The following EPHB1 variants were observed in gnomAD, a reference collection of about 807,000 sequenced individuals.
EPHB1 encodes EPH receptor B1.
In EPHB1, 30 loss-of-function variants were observed where a neutral mutation model predicts 94.4. The ratio of observed to expected loss-of-function variants is 0.32; its 90% CI spans 0.24 to 0.43. The LOEUF (loss-of-function observed/expected upper bound fraction) is 0.43, where lower values mean the gene tolerates loss of function less well. EPHB1 is among the 20% of genes least tolerant of loss of function. The pLI, the probability that EPHB1 is intolerant of heterozygous loss-of-function variation, is 1.00. For missense variants in EPHB1, 1,055 were observed against 1,308.3 expected, an observed-to-expected ratio of 0.81 and a Z score of 2.99; for synonymous variants, 522 against 489.1, an observed-to-expected ratio of 1.07 and a Z score of -0.89.
chr3:134,810,139 A>T (rs1230518280), intron 1 of EPHB1, among the ~76,000 whole-genome samples: 1 of 152,256 alleles, frequency 6.6e-6, no homozygotes, highest in Admixed American at 6.5e-5. Flanking sequence ...CCTAGGAGAT[A>T]AATCTTCTCA....
intron 3 of EPHB1, among the ~76,000 whole-genome samples, chr3:134,975,577 A>G (rs966274724): frequency 2.0e-5 from 3 of 152,056 alleles, no homozygotes; most frequent in African/African-American, 4.8e-5. Context: ...CCCAGCACCA[A>G]TGTACTGCCT....
chr3:134,825,809 T>G (rs2036466180), intron 1 of EPHB1, among the ~76,000 whole-genome samples: 1 of 152,216 alleles, frequency 6.6e-6, no homozygotes, highest in Admixed American at 6.5e-5. Flanking sequence ...GATCCTTTTC[T>G]TCCTGAAAGA....
At chr3:134,976,604 C>T (rs574719) in intron 3 of EPHB1, among the ~76,000 whole-genome samples, 95,881 of 152,050 alleles carry the variant, frequency 0.63, 32,042 homozygotes, top group African/African-American at 0.83. Context: ...TTTCTCCAGA[C>T]GTCACCCCAT....
chr3:135,130,463 T>C (rs1039512296), intron 4 of EPHB1, among the ~76,000 whole-genome samples: 1 of 152,196 alleles, frequency 6.6e-6, no homozygotes, highest in African/African-American at 2.4e-5. Flanking sequence ...ACAGTAAGTG[T>C]AGGCTCTTGT....
intron 5 of EPHB1, among the ~76,000 whole-genome samples, chr3:135,134,790 A>G (rs1322954055): frequency 6.6e-6 from 1 of 152,192 alleles, no homozygotes; most frequent in Non-Finnish European, 1.5e-5. Flanking sequence ...GGGAATGACA[A>G]TCCTGCCAGG....
chr3:135,003,871 T>A (rs1935285872), intron 3 of EPHB1, among the ~76,000 whole-genome samples: 1 of 152,138 alleles, frequency 6.6e-6, no homozygotes, highest in South Asian at 2.1e-4. Flanking sequence ...GTGAGATGGG[T>A]TTCCTGATAC....
intron 3 of EPHB1, among the ~76,000 whole-genome samples, chr3:135,021,561 T>C (rs752646037): frequency 2.6e-5 from 4 of 151,294 alleles, no homozygotes; most frequent in Non-Finnish European, 5.9e-5. Context: ...AGATATTTTC[T>C]GGTTGTTTCC....
chr3:134,862,506 A>T (rs1380607916), intron 1 of EPHB1, among the ~76,000 whole-genome samples: 1 of 152,052 alleles, frequency 6.6e-6, no homozygotes, highest in African/African-American at 2.4e-5. Flanking sequence ...GCTCAAAAAA[A>T]AAAAAAAGAA....
chr3:134,973,162 C>G (rs1249973140), intron 3 of EPHB1, among the ~76,000 whole-genome samples: 1 of 152,214 alleles, frequency 6.6e-6, no homozygotes, highest in Non-Finnish European at 1.5e-5. Flanking sequence ...CTGTGGCACA[C>G]CCTGTAGTCT....
intron 3 of EPHB1, among the ~76,000 whole-genome samples, chr3:135,071,321 G>C (rs1188759067): frequency 1.3e-5 from 2 of 152,192 alleles, no homozygotes; most frequent in Non-Finnish European, 2.9e-5. Flanking sequence ...TTTAGGCTGA[G>C]AGCAGTAAGA....
intron 3 of EPHB1, among the ~76,000 whole-genome samples, chr3:135,019,858 A>C (rs922044069): frequency 6.6e-6 from 1 of 152,260 alleles, no homozygotes; most frequent in East Asian, 1.9e-4. Context: ...GAACAACTTC[A>C]TTCATAAATC....
At chr3:135,189,986 G>A (rs1942416138) in intron 10 of EPHB1, among the ~76,000 whole-genome samples, 1 of 152,198 alleles carries the variant, frequency 6.6e-6, no homozygotes, top group Non-Finnish European at 1.5e-5. Flanking sequence ...CACATTTGGG[G>A]CATGATGGTC....
At position 134,951,545 on chromosome 3, in the gene EPHB1, C is replaced by G. The variant is rs2107715559; in HGVS notation, c.298C>G (p.Pro100Ala). 1 of 1,613,938 alleles carries G rather than the reference C, an allele frequency of 6.2e-7. No homozygotes were observed. Among genetic ancestry groups the G allele is most frequent in the Middle Eastern group, 1.6e-4 (1 of 6,062 alleles). Residue 100 changes from proline (P) to alanine (A), a missense_variant, in exon 3 of 16, where the codon CCT becomes GCT. Physicochemically the swap from Pro to Ala is conservative, Grantham distance 27 (BLOSUM62 -1). Coordinates refer to ENST00000398015, the MANE Select transcript of EPHB1 (RefSeq NM_004441.5). This position sits in a 1 kb window ranked among gnomAD's most constrained non-coding sequence, Gnocchi z 4.5. ...CACTGTGAGAGACTGCAGCAGCCTCCCTAATGTCCCAGGATCCTGCAAGGA... is the reference window on the plus strand; with the variant it reads ...CACTGTGAGAGACTGCAGCAGCCTCGCTAATGTCCCAGGATCCTGCAAGGA... ...RFTVRDCSSL[P>A]NVPGSCKETF...
intron 1 of EPHB1, among the ~76,000 whole-genome samples, chr3:134,860,840 G>T (rs1435776195): frequency 6.8e-6 from 1 of 147,086 alleles, no homozygotes; most frequent in Non-Finnish European, 1.5e-5. Flanking sequence ...GCTGTCCTGT[G>T]ACTGACATTA....
In EPHB1 at chr3:134,966,776, C is replaced by G. The variant is rs569348203; in HGVS notation, c.805+14724C>G. 1.1e-4 allele frequency among the ~76,000 whole-genome samples: 16 copies of G among 152,368 alleles called. No individual in the cohort carries two copies. In the East Asian group the frequency reaches 2.9e-3, roughly 28 times the overall value. Reference sequence around the variant, plus strand: ...TTGGTTCACCTAGTGATTTCTTTTCCCATCTGCATTCCTGCCATTCTGTTT... The same window carrying G: ...TTGGTTCACCTAGTGATTTCTTTTCGCATCTGCATTCCTGCCATTCTGTTT... On this transcript the variant is annotated intron_variant, in intron 3 of 15. Coordinates refer to ENST00000398015, the MANE Select transcript of EPHB1 (RefSeq NM_004441.5).
chr3:135,027,888 G>A lies in EPHB1; in HGVS notation c.805+75836G>A, dbSNP rs1234944089. Among the ~76,000 whole-genome samples the A allele has an allele frequency of 2.9e-5, 4 of 136,118 alleles. 1 individual carries two copies. Among genetic ancestry groups the A allele is most frequent in the Non-Finnish European group, 6.5e-5 (4 of 61,420 alleles). The allele number at this position is 136,118 out of a possible 152,430, so 89.3% of individuals were successfully genotyped here. On this transcript the variant is annotated intron_variant, in intron 3 of 15. Coordinates refer to ENST00000398015, the MANE Select transcript of EPHB1 (RefSeq NM_004441.5). ...TTTGCTTGGTAAGGTATTGATTATT[G>A]CCACAACTTCAGATCCTGTTATTGG...
rs1937379756 is a variant in EPHB1 at position 135,057,403 on chromosome 3, C to A, written c.806-49045C>A. 1.3e-5 allele frequency among the ~76,000 whole-genome samples: 2 copies of A among 152,122 alleles called. 1 individual carries two copies. Among genetic ancestry groups the A allele is most frequent in the South Asian group, 4.1e-4 (2 of 4,822 alleles). On this transcript the variant is annotated intron_variant, in intron 3 of 15. Coordinates refer to ENST00000398015, the MANE Select transcript of EPHB1 (RefSeq NM_004441.5). ...CTGGACAGCAGCACTTGCCTCTCTT[C>A]TCTTCTTTTTCCTTTCCCACTTTCT...
intron 3 of EPHB1, among the ~76,000 whole-genome samples, chr3:135,089,421 T>C (rs1938478394): frequency 6.6e-6 from 1 of 152,242 alleles, no homozygotes; most frequent in East Asian, 1.9e-4. Flanking sequence ...TAAATTCTTA[T>C]TGTTGCTCTT....
rs189343772 is a variant in EPHB1, at chr3:135,254,605, A to G, written c.2847-4407A>G. ...AATAAGCTTTTTGATGTGCTGCTGG[A>G]TTCGGTTTGCCAGTATTTTATTGAA... On this transcript the variant is annotated intron_variant, in intron 15 of 15. Coordinates refer to ENST00000398015, the MANE Select transcript of EPHB1 (RefSeq NM_004441.5). Among the ~76,000 whole-genome samples the G allele has an allele frequency of 4.3e-3, 659 of 152,208 alleles. 8 individuals are homozygous for G. The highest frequency in any genetic ancestry group is 0.015 in the African/African-American group (626 of 41,532).
Sources: gnomAD v4.1 joint callset for allele counts (sites outside exome capture counted in the v4.1 genomes callset) on GRCh38, gnomAD v4.1.1 for gene constraint, Gnocchi (gnomAD v3.1) non-coding constraint, MANE v1.5 for transcripts, NCBI Gene and HGNC (gene_info 2026-07-23, HGNC 2026-07-21) for gene names.